LYRM9: variants seen among roughly 807,000 people sequenced by gnomAD.
LYRM9 encodes LYR motif-containing protein 9.
LYRM9 carries 14 observed loss-of-function variants against 12.6 expected under a neutral mutation model. That is an observed-to-expected ratio of 1.11 (90% CI 0.73 to 1.73). The LOEUF (loss-of-function observed/expected upper bound fraction) is 1.73. LYRM9 is among the 40% of genes most tolerant of loss of function. The probability of loss-of-function intolerance (pLI) is 0.00; values close to 1 mark genes in which losing one functional copy is unlikely to be tolerated. For synonymous variants in LYRM9, 42 were observed against 35.1 expected (o/e 1.20, Z -0.69); for missense variants, 94 against 95.0 (o/e 0.99, Z 0.04).
chr17:27,882,361 G>A (rs1905088566), intron 2 of LYRM9, among the ~76,000 whole-genome samples: 1 of 152,170 alleles, frequency 6.6e-6, no homozygotes, highest in Non-Finnish European at 1.5e-5. Flanking sequence ...GCATGCCCTA[G>A]CACAGCTGGT....
chr17:27,892,699 G>T, intron 1 of LYRM9: 1 of 287,062 alleles, frequency 3.5e-6, no homozygotes, highest in Non-Finnish European at 6.9e-6. Context: ...CTTTTGGGGG[G>T]TAATGTTCTA....
intron 1 of LYRM9, among the ~76,000 whole-genome samples, chr17:27,885,538 C>T (rs1905203777): frequency 6.6e-6 from 1 of 151,898 alleles, no homozygotes; most frequent in South Asian, 2.1e-4. Context: ...CAGGGAGACC[C>T]TGTCTCTACA....
chr17:27,889,695 A>G (rs917327632), intron 1 of LYRM9, among the ~76,000 whole-genome samples: 12 of 152,280 alleles, frequency 7.9e-5, no homozygotes, highest in South Asian at 2.1e-4. Flanking sequence ...GGGGTCTGTT[A>G]TATCAACTCA....
intron 1 of LYRM9, among the ~76,000 whole-genome samples, chr17:27,890,548 G>A (rs1024564684): frequency 2.0e-5 from 3 of 152,162 alleles, no homozygotes; most frequent in African/African-American, 4.8e-5. Flanking sequence ...AAGCTACAAA[G>A]GGAATTTCCT....
chr17:27,879,738 G>C (rs1904975024), intron 3 of LYRM9: 1 of 547,672 alleles, frequency 1.8e-6, no homozygotes, highest in South Asian at 2.3e-5. Context: ...TCACTCTGGA[G>C]AGTGAGTTAG....
rs1336484968 is a variant in LYRM9, at chr17:27,879,244, C to T, written c.*229G>A. 6.8e-6 allele frequency: 3 copies of T among 438,284 alleles called. No homozygotes were observed. The highest frequency in any genetic ancestry group is 1.2e-5 in the Non-Finnish European group (3 of 249,464). 27.1% of individuals were successfully genotyped at this position (438,284 alleles called of 1,614,324 possible). The stretch of plus-strand genomic sequence containing the variant: ...AACACACAAAAGAAGCAAAAAAATA[C>T]TACATTCTCCCCAAATTTCACATCG... On this transcript the variant is annotated 3_prime_UTR_variant, in exon 4 of 4. Coordinates refer to ENST00000379102, the MANE Select transcript of LYRM9 (RefSeq NM_001076680.3).
rs79170699 is a variant in LYRM9 at position 27,888,620 on chromosome 17, A to T, written c.-19+4697T>A. 3.8e-3 allele frequency among the ~76,000 whole-genome samples: 583 copies of T among 152,376 alleles called. 8 individuals carry two copies. The highest frequency in any genetic ancestry group is 0.013 in the African/African-American group (554 of 41,592). ...CAAATAGTTCAGCAAAAGACAGCAC[A>T]GAGAGAAGAGTGAGGAAGATGAAGA... On this transcript the variant is annotated intron_variant, in intron 1 of 3. Transcript: ENST00000379102.
intron 3 of LYRM9, 123 bp from the exon 4 acceptor site, chr17:27,879,613 G>C: frequency 9.4e-7 from 1 of 1,061,614 alleles, no homozygotes; most frequent in Non-Finnish European, 1.3e-6. Flanking sequence ...CTTGGAGGTG[G>C]TGAAACCCAA....
chr17:27,885,637 A>G (rs562738861), intron 1 of LYRM9, among the ~76,000 whole-genome samples: 1 of 147,166 alleles, frequency 6.8e-6, no homozygotes, highest in Admixed American at 7.0e-5. Flanking sequence ...TTCAGCCTCG[A>G]CTGCAGTGAG....
At chr17:27,889,434 A>G (rs1405808992) in intron 1 of LYRM9, among the ~76,000 whole-genome samples, 1 of 151,028 alleles carries the variant, frequency 6.6e-6, no homozygotes, top group Non-Finnish European at 1.5e-5. Flanking sequence ...CAGCCTCCCC[A>G]GTAGCTGGGA....
intron 1 of LYRM9, among the ~76,000 whole-genome samples, chr17:27,887,716 GTGTGTGTGTGTGTGTGTGTGTGT>G (rs1905280442): frequency 1.7e-4 from 20 of 115,738 alleles, no homozygotes; most frequent in African/African-American, 8.7e-4. Context: ...GAGGGAGGGT[GTGTGTGTGTGTGTGTGTGTGTGT>G]GTGTGTGTGT....
chr17:27,892,724 C>T (rs763909731), intron 1 of LYRM9: 38 of 274,480 alleles, frequency 1.4e-4, no homozygotes, highest in Non-Finnish European at 2.2e-4. Flanking sequence ...ATTATGGTGA[C>T]AGCTGCACAA....
At chr17:27,879,923 C>G (rs1904986621) in intron 3 of LYRM9, 1 of 595,916 alleles carries the variant, frequency 1.7e-6, no homozygotes, top group Non-Finnish European at 3.0e-6. Context: ...CAGGGAGTCC[C>G]CCGCCAGGAC....
chr17:27,891,742 T>C (rs1905458285), intron 1 of LYRM9, among the ~76,000 whole-genome samples: 1 of 152,320 alleles, frequency 6.6e-6, no homozygotes, highest in Admixed American at 6.5e-5. Context: ...TTTAAAAGCC[T>C]ACCTCTGCTA....
In LYRM9 at chr17:27,886,372, TTTTAA is replaced by T. The variant is rs1315925102; in HGVS notation, c.-18-3665_-18-3661del. 1.3e-5 allele frequency among the ~76,000 whole-genome samples: 2 copies of T among 152,228 alleles called. No individual in the cohort carries two copies. The highest frequency in any genetic ancestry group is 4.8e-5 in the African/African-American group (2 of 41,464). ...ACTTAGAAGAGCTAAACTAAAAATGTTTTAATTTAATTTAAAGCGTAGGTTTGCTA... is the reference window on the plus strand; with the variant it reads ...ACTTAGAAGAGCTAAACTAAAAATGTTTTAATTTAAAGCGTAGGTTTGCTA... On this transcript the variant is annotated intron_variant, in intron 1 of 3. Transcript: ENST00000379102. The surrounding 1 kb of genome is among the most constrained non-coding windows in gnomAD (Gnocchi z 4.8).
rs1905231028 is a variant in LYRM9, at chr17:27,886,360, A to T, written c.-18-3648T>A. Among the ~76,000 whole-genome samples the T allele has an allele frequency of 6.6e-6, 1 of 152,264 alleles. No individual in the cohort carries two copies. The highest frequency in any genetic ancestry group is 1.5e-5 in the Non-Finnish European group (1 of 68,044). ...ATGTGTGGGTCCACTTAGAAGAGCT[A>T]AACTAAAAATGTTTTAATTTAATTT... On this transcript the variant is annotated intron_variant, in intron 1 of 3. Transcript: ENST00000379102. This position sits in a 1 kb window ranked among gnomAD's most constrained non-coding sequence, Gnocchi z 4.8.
intron 1 of LYRM9, among the ~76,000 whole-genome samples, chr17:27,884,669 C>T (rs2142587697): frequency 6.6e-6 from 1 of 152,314 alleles, no homozygotes; most frequent in South Asian, 2.1e-4. Flanking sequence ...TCGCCTGTGG[C>T]TCTCCCTGGG....
intron 1 of LYRM9, among the ~76,000 whole-genome samples, chr17:27,891,365 G>C (rs752333108): frequency 5.9e-5 from 9 of 152,180 alleles, no homozygotes; most frequent in Non-Finnish European, 1.3e-4. Context: ...CTATCTCGAA[G>C]TCTGTTCCCC....
At chr17:27,888,333 C>T (rs555828656) in intron 1 of LYRM9, among the ~76,000 whole-genome samples, 1 of 152,296 alleles carries the variant, frequency 6.6e-6, no homozygotes, top group African/African-American at 2.4e-5. Context: ...CTAGGTCAGG[C>T]CTCTAGTTCA....
Sources: allele counts gnomAD v4.1 joint callset (sites outside exome capture counted in the v4.1 genomes callset), GRCh38; gene constraint gnomAD v4.1.1; non-coding constraint Gnocchi (gnomAD v3.1); transcripts MANE v1.5; gene names NCBI Gene and HGNC (gene_info 2026-07-23, HGNC 2026-07-21).